DLGAP2: variants seen among roughly 807,000 people sequenced by gnomAD.
The protein encoded by DLGAP2 is DLG associated protein 2, also known as disks large-associated protein 2.
In DLGAP2, 26 loss-of-function variants were observed where a neutral mutation model predicts 100.3. The ratio of observed to expected loss-of-function variants is 0.26; its 90% CI spans 0.19 to 0.36. The LOEUF (loss-of-function observed/expected upper bound fraction) is 0.36, where lower values mean the gene tolerates loss of function less well. Ranked by LOEUF, DLGAP2 falls within the 10% of genes least tolerant of loss-of-function variation. The pLI, the probability that DLGAP2 is intolerant of heterozygous loss-of-function variation, is 1.00. For missense variants in DLGAP2, 1,858 were observed against 1,453.2 expected (o/e 1.28, Z -4.53); for synonymous variants, 886 against 630.1 (o/e 1.41, Z -6.08).
intron 4 of DLGAP2, among the ~76,000 whole-genome samples, chr8:1,514,083 C>A (rs1292728398): frequency 1.3e-5 from 2 of 152,224 alleles, no homozygotes; most frequent in East Asian, 3.8e-4. Flanking sequence ...TGGAGAAGAG[C>A]TAGGCAGGCA....
At chr8:910,049 C>T (rs1408247658) in intron 2 of DLGAP2, among the ~76,000 whole-genome samples, 1 of 152,152 alleles carries the variant, frequency 6.6e-6, no homozygotes, top group Non-Finnish European at 1.5e-5. Context: ...TTGGAATGGG[C>T]ACCAAGTTTC....
At chr8:1,237,566 T>TAC (rs775146288) in intron 2 of DLGAP2, among the ~76,000 whole-genome samples, 5 of 140,112 alleles carry the variant, frequency 3.6e-5, no homozygotes, top group Admixed American at 7.0e-5. Context: ...CGTGTCTAGT[T>TAC]CTCTCACATG....
intron 4 of DLGAP2, among the ~76,000 whole-genome samples, chr8:1,531,007 T>G (rs1800971710): frequency 6.6e-6 from 1 of 152,250 alleles, no homozygotes; most frequent in South Asian, 2.1e-4. Context: ...AAAATTTGTT[T>G]TCTAACATTC....
At chr8:1,369,789 G>A (rs1802193025) in intron 3 of DLGAP2, 1 of 152,298 alleles carries the variant, frequency 6.6e-6, no homozygotes, top group African/African-American at 2.4e-5. Flanking sequence ...ACACAGCAGT[G>A]ATGTAGGAAA....
chr8:1,500,846 T>C (rs1170135660), intron 3 of DLGAP2, among the ~76,000 whole-genome samples: 1 of 152,252 alleles, frequency 6.6e-6, no homozygotes, highest in Non-Finnish European at 1.5e-5. Context: ...TTGGTCAAAG[T>C]GGACCTAATA....
At chr8:1,605,169 C>A (rs1450127040) in intron 6 of DLGAP2, among the ~76,000 whole-genome samples, 4 of 152,118 alleles carry the variant, frequency 2.6e-5, no homozygotes, top group Admixed American at 2.6e-4. Flanking sequence ...TGAGCAACAT[C>A]CGTGACTTAC....
chr8:1,158,691 C>T (rs866614161), intron 2 of DLGAP2, among the ~76,000 whole-genome samples: 4 of 152,238 alleles, frequency 2.6e-5, no homozygotes, highest in African/African-American at 4.8e-5. Flanking sequence ...ACGCCGTCCA[C>T]GGCAGCTTTG....
intron 2 of DLGAP2, among the ~76,000 whole-genome samples, chr8:1,193,785 C>G (rs778772313): frequency 3.3e-5 from 5 of 151,952 alleles, no homozygotes; most frequent in African/African-American, 9.7e-5. Context: ...CTAGAGCCTC[C>G]GCACCATGCC....
At position 1,010,314 on chromosome 8, in the gene DLGAP2, C is replaced by T. The variant is rs753476672; in HGVS notation, c.73+102348C>T. ...TGTACACTCAGATATCAGTTTTATACACACATACACACATGTGCCCACATA... is the reference window on the plus strand; with the variant it reads ...TGTACACTCAGATATCAGTTTTATATACACATACACACATGTGCCCACATA... On this transcript the variant is annotated intron_variant, in intron 2 of 14. Transcript: ENST00000637795. Among the ~76,000 whole-genome samples, 6 of 151,456 alleles carry T rather than the reference C, an allele frequency of 4.0e-5. No homozygotes were observed. In the East Asian group the frequency reaches 7.7e-4, roughly 20 times the overall value.
intron 3 of DLGAP2, among the ~76,000 whole-genome samples, chr8:1,314,844 A>G (rs1424486364): frequency 6.6e-6 from 1 of 152,194 alleles, no homozygotes; most frequent in Admixed American, 6.5e-5. Flanking sequence ...TCACCAACCT[A>G]AGTGTTCTCT....
intron 6 of DLGAP2, among the ~76,000 whole-genome samples, chr8:1,577,354 A>T (rs895892191): frequency 1.4e-4 from 21 of 152,162 alleles, no homozygotes; most frequent in African/African-American, 4.3e-4. Flanking sequence ...AGATCAACTG[A>T]GGTCAGGAGT....
intron 1 of DLGAP2, among the ~76,000 whole-genome samples, chr8:766,943 G>C (rs2132599412): frequency 6.6e-6 from 1 of 152,308 alleles, no homozygotes; most frequent in East Asian, 1.9e-4. Flanking sequence ...GACATCCAAG[G>C]CCATGACTCA....
chr8:1,705,538 C>G lies in DLGAP2; in HGVS notation c.*4132C>G, dbSNP rs1196977251. ...CTGGTACGGACATAAAAGCATTGTC[C>G]AAAACAGCGCTGGTTCGGGGAGGGC... On this transcript the variant is annotated 3_prime_UTR_variant, in exon 15 of 15. Coordinates refer to ENST00000637795, the MANE Select transcript of DLGAP2 (RefSeq NM_001346810.2). The G allele has an allele frequency of 2.6e-5, 4 of 152,236 alleles. No homozygotes were observed. Among genetic ancestry groups the G allele is most frequent in the Non-Finnish European group, 2.9e-5 (2 of 68,078 alleles). 9.4% of individuals were successfully genotyped at this position (152,236 alleles called of 1,614,324 possible).
chr8:805,867 G>A (rs7459426), intron 1 of DLGAP2, among the ~76,000 whole-genome samples: 38,463 of 152,052 alleles, frequency 0.25, 6,135 homozygotes, highest in African/African-American at 0.45. Context: ...TCCCGTACAC[G>A]TCTTGTTTGG....
intron 2 of DLGAP2, among the ~76,000 whole-genome samples, chr8:998,890 G>C (rs1458222661): frequency 6.6e-6 from 1 of 152,128 alleles, no homozygotes; most frequent in Non-Finnish European, 1.5e-5. Flanking sequence ...CAGTGCAGGG[G>C]CCTGGGTTTC....
intron 3 of DLGAP2, among the ~76,000 whole-genome samples, chr8:1,473,452 C>A: frequency 6.6e-6 from 1 of 152,054 alleles, no homozygotes; most frequent in East Asian, 1.9e-4. Flanking sequence ...GTAAAACAAC[C>A]AGAAAATGGC....
intron 2 of DLGAP2, among the ~76,000 whole-genome samples, chr8:1,166,331 C>A (rs898942819): frequency 3.9e-5 from 6 of 152,190 alleles, no homozygotes; most frequent in South Asian, 2.1e-4. Flanking sequence ...CTATAATTAT[C>A]CTCTTCATTC....
Position 1,643,529 on chromosome 8 carries a change from T to C in DLGAP2, c.1810+10483T>C, listed in dbSNP as rs367739186. 8.0e-3 allele frequency among the ~76,000 whole-genome samples: 81 copies of C among 10,116 alleles called. 2 individuals carry two copies. The highest frequency in any genetic ancestry group is 0.036 in the African/African-American group (22 of 610). The allele number at this position is 10,116 out of a possible 152,430, so 6.6% of individuals were successfully genotyped here. On this transcript the variant is annotated intron_variant, in intron 8 of 14. Transcript: ENST00000637795. ...CCTGTGTCACCCTCGAACCCGCCGG[T>C]CCTCACCTGTGTCACCCTCGACCCC... is the stretch of plus-strand genomic sequence containing the variant.
chr8:967,096 G>C (rs1799889754), intron 2 of DLGAP2, among the ~76,000 whole-genome samples: 1 of 152,200 alleles, frequency 6.6e-6, no homozygotes. Flanking sequence ...TACCTTTCTT[G>C]ATTATACAGA....
Sources: gnomAD v4.1 joint callset for allele counts (sites outside exome capture counted in the v4.1 genomes callset) on GRCh38, gnomAD v4.1.1 for gene constraint, MANE v1.5 for transcripts, NCBI Gene and HGNC (gene_info 2026-07-23, HGNC 2026-07-21) for gene names.